The following RAP1A variants were observed in gnomAD, a reference collection of about 807,000 sequenced individuals.
The protein encoded by RAP1A is RAP1A, member of RAS oncogene family.
RAP1A carries 6 observed loss-of-function variants against 26.4 expected under a neutral mutation model. The ratio of observed to expected loss-of-function variants is 0.23; its 90% CI spans 0.12 to 0.45. The LOEUF is 0.45. Ranked by LOEUF, RAP1A falls within the 20% of genes least tolerant of loss-of-function variation. RAP1A has a pLI of 0.99. For missense variants in RAP1A, 121 were observed against 217.2 expected (o/e 0.56, Z 2.78); for synonymous variants, 73 against 79.4 (o/e 0.92, Z 0.43).
intron 1 of RAP1A, among the ~76,000 whole-genome samples, chr1:111,674,111 A>G (rs947864557): frequency 2.6e-5 from 4 of 152,168 alleles, no homozygotes; most frequent in African/African-American, 9.7e-5. Context: ...GATCCATGCT[A>G]TATTAGGATT....
At chr1:111,698,480 G>A (rs1661910898) in intron 4 of RAP1A, among the ~76,000 whole-genome samples, 1 of 152,032 alleles carries the variant, frequency 6.6e-6, no homozygotes. Flanking sequence ...TGTTGCCCAG[G>A]CTAATCTCGA....
In RAP1A at chr1:111,712,917, A is replaced by G. The variant is rs905486863; in HGVS notation, c.*516A>G. ...AAAAAATTATGGAATATCATCTGTC[A>G]TTATATTCTAATTAAAATTGTGCAT... On this transcript the variant is annotated 3_prime_UTR_variant, in exon 8 of 8. Coordinates refer to ENST00000369709, the MANE Select transcript of RAP1A (RefSeq NM_002884.4). 2 of 152,476 alleles carry G rather than the reference A, an allele frequency of 1.3e-5. No homozygotes were observed. The highest frequency in any genetic ancestry group is 6.5e-5 in the Admixed American group (1 of 15,272). The allele number at this position is 152,476 out of a possible 1,614,324, so 9.4% of individuals were successfully genotyped here.
At chr1:111,598,918 C>T (rs1033528525) in intron 1 of RAP1A, among the ~76,000 whole-genome samples, 2 of 152,174 alleles carry the variant, frequency 1.3e-5, no homozygotes, top group Non-Finnish European at 2.9e-5. Flanking sequence ...GGGATTCCTA[C>T]GATCCTCTCT....
intron 1 of RAP1A, among the ~76,000 whole-genome samples, chr1:111,687,360 A>C (rs1047686553): frequency 6.6e-5 from 10 of 152,078 alleles, no homozygotes; most frequent in African/African-American, 2.4e-4. Flanking sequence ...GGCGCCTGCC[A>C]CCATGCCCAG....
At chr1:111,698,607 C>T (rs963078357) in intron 4 of RAP1A, among the ~76,000 whole-genome samples, 1 of 151,908 alleles carries the variant, frequency 6.6e-6, no homozygotes, top group Non-Finnish European at 1.5e-5. Flanking sequence ...AAATTCAGCA[C>T]AAAGTTTTCC....
chr1:111,698,436 T>TA lies in RAP1A; in HGVS notation c.183+946dup, dbSNP rs1019649631. Reference sequence around the variant, plus strand: ...GGCACGTACCACCACCCCCAGCTAATAAAAAAATTTTTTTTGTAGAGGTGG... The same window carrying TA: ...GGCACGTACCACCACCCCCAGCTAATAAAAAAAATTTTTTTTGTAGAGGTGG... On this transcript the variant is annotated intron_variant, in intron 4 of 7. Coordinates refer to ENST00000369709, the MANE Select transcript of RAP1A (RefSeq NM_002884.4). Among the ~76,000 whole-genome samples, 6 of 152,170 alleles carry TA rather than the reference T, an allele frequency of 3.9e-5. No individual in the cohort carries two copies. The East Asian group carries it at 7.7e-4, about 20-fold the overall frequency.
intron 1 of RAP1A, among the ~76,000 whole-genome samples, chr1:111,668,377 T>C (rs1475236478): frequency 6.6e-6 from 1 of 152,178 alleles, no homozygotes; most frequent in Middle Eastern, 3.2e-3. Flanking sequence ...TTAAAATCAG[T>C]GTGTTTAGCG....
chr1:111,654,456 T>C (rs1253965682), intron 1 of RAP1A, among the ~76,000 whole-genome samples: 5 of 152,242 alleles, frequency 3.3e-5, no homozygotes, highest in Non-Finnish European at 7.3e-5. Flanking sequence ...ATGGGAGCAC[T>C]GGAGGCAGAA....
At chr1:111,693,672 G>A (rs1039509083) in intron 2 of RAP1A, among the ~76,000 whole-genome samples, 10 of 152,128 alleles carry the variant, frequency 6.6e-5, no homozygotes, top group African/African-American at 2.4e-4. Flanking sequence ...GAAGGCACAT[G>A]GGCTCTTTTG....
Position 111,715,319 on chromosome 1 carries a change from G to GGCCCCCCCC in RAP1A, c.*2918_*2919insGCCCCCCCC, listed in dbSNP as rs1662506382. ...TCTTGAACTCCTGACTTCGTGATCC[G>GGCCCCCCCC]CCCCCCCCTCAGCCTCCCAAAGTGC... On this transcript the variant is annotated 3_prime_UTR_variant, in exon 8 of 8. Coordinates refer to ENST00000369709, the MANE Select transcript of RAP1A (RefSeq NM_002884.4). The GGCCCCCCCC allele has an allele frequency of 7.0e-6, 1 of 143,064 alleles. No homozygotes were observed. Among genetic ancestry groups the GGCCCCCCCC allele is most frequent in the African/African-American group, 2.8e-5 (1 of 35,754 alleles). The allele number at this position is 143,064 out of a possible 1,614,324, so 8.9% of individuals were successfully genotyped here. A position where few individuals can be genotyped will look rare whatever the true frequency, so the allele number is the denominator to read the frequency against.
intron 1 of RAP1A, among the ~76,000 whole-genome samples, chr1:111,632,297 A>G (rs1007004871): frequency 4.0e-5 from 6 of 151,806 alleles, no homozygotes; most frequent in Admixed American, 2.6e-4. Flanking sequence ...CCCTGTGTTT[A>G]TAAAGTTTCT....
chr1:111,564,351 C>A (rs1381646339), intron 1 of RAP1A, among the ~76,000 whole-genome samples: 1 of 152,076 alleles, frequency 6.6e-6, no homozygotes, highest in Non-Finnish European at 1.5e-5. Flanking sequence ...AGAAACTATT[C>A]TAAGTTGGGA....
chr1:111,685,171 C>T (rs956995716), intron 1 of RAP1A, among the ~76,000 whole-genome samples: 5 of 151,952 alleles, frequency 3.3e-5, no homozygotes, highest in Admixed American at 6.6e-5. Context: ...CATAAAAACC[C>T]GAGAAGATAA....
upstream of RAP1A, chr1:111,619,709 A>C (rs761944950): frequency 2.0e-5 from 8 of 392,576 alleles, no homozygotes; most frequent in Admixed American, 1.3e-4. Context: ...AAGCCCAGCC[A>C]TCGCCAACTT....
At position 111,704,474 on chromosome 1, in the gene RAP1A, C is replaced by G. The variant is rs1243999427; in HGVS notation, c.456C>G (p.Ile152Met). The part of the protein sequence containing the change: ...AFLESSAKSK[I>M]NVNEIFYDLV... ...TAGAATCTTCTGCAAAGTCAAAGAT[C>G]AATGTTAATGAGGTAACCTACAACT... is the stretch of plus-strand genomic sequence containing the variant. The change falls in exon 6 of 8, where the codon ATC becomes ATG. Residue 152 changes from isoleucine (I) to methionine (M), a missense_variant. Coordinates refer to ENST00000369709, the MANE Select transcript of RAP1A (RefSeq NM_002884.4). The G allele has an allele frequency of 1.2e-6, 2 of 1,613,150 alleles. No homozygotes were observed. Among genetic ancestry groups the G allele is most frequent in the South Asian group, 1.1e-5 (1 of 91,000 alleles).
intron 4 of RAP1A, 45 bp from the exon 5 acceptor site, chr1:111,703,291 T>G: frequency 7.7e-7 from 1 of 1,305,392 alleles, no homozygotes; most frequent in Non-Finnish European, 1.0e-6. Context: ...CAGTATACAT[T>G]CAAGAAATTT....
exon 1 of RAP1A, chr1:111,542,438 C>CT (rs1656869161): frequency 9.2e-6 from 2 of 217,784 alleles, no homozygotes; most frequent in African/African-American, 4.6e-5. Context: ...GGGCTCCGCC[C>CT]TTAAGAGAGC....
chr1:111,632,555 T>C (rs950914553), intron 1 of RAP1A, among the ~76,000 whole-genome samples: 4 of 151,992 alleles, frequency 2.6e-5, no homozygotes, highest in Admixed American at 6.6e-5. Flanking sequence ...GAAATGAAAT[T>C]GATGGAATGA....
intron 1 of RAP1A, among the ~76,000 whole-genome samples, chr1:111,575,106 T>C (rs1221291460): frequency 1.3e-5 from 2 of 152,322 alleles, no homozygotes; most frequent in South Asian, 2.1e-4. Flanking sequence ...CTATCATTAC[T>C]ACCTGTATGA....
Sources: gnomAD v4.1 joint callset for allele counts (sites outside exome capture counted in the v4.1 genomes callset) on GRCh38, gnomAD v4.1.1 for gene constraint, MANE v1.5 for transcripts, NCBI Gene and HGNC (gene_info 2026-07-23, HGNC 2026-07-21) for gene names.